Variants in AXL observed in about 807,000 individuals in gnomAD.
The protein encoded by AXL is tyrosine-protein kinase receptor UFO.
Under a neutral mutation model 104.5 loss-of-function variants are expected in AXL, and 52 were observed. The ratio of observed to expected loss-of-function variants is 0.50; its 90% confidence interval spans 0.40 to 0.63. The LOEUF (loss-of-function observed/expected upper bound fraction) is 0.63. AXL is among the 20% of genes least tolerant of loss of function. AXL has a pLI of 0.00. For synonymous variants in AXL, 455 were observed against 473.7 expected, an observed-to-expected ratio of 0.96 and a Z score of 0.51; for missense variants, 1,024 against 1,188.5, an observed-to-expected ratio of 0.86 and a Z score of 2.04.
chr19:41,229,178 G>A (rs934642029), intron 4 of AXL, among the ~76,000 whole-genome samples: 2 of 150,898 alleles, frequency 1.3e-5, no homozygotes, highest in African/African-American at 2.4e-5. Flanking sequence ...CTCGAACTTC[G>A]GACCTCAGGT....
chr19:41,256,939 CAT>C (rs1436657760), intron 18 of AXL, among the ~76,000 whole-genome samples: 3 of 152,314 alleles, frequency 2.0e-5, no homozygotes, highest in African/African-American at 7.2e-5. Flanking sequence ...CACATGAGCT[CAT>C]GTGTCCATGA....
chr19:41,241,586 A>G (rs1423873059), intron 10 of AXL, among the ~76,000 whole-genome samples: 1 of 151,384 alleles, frequency 6.6e-6, no homozygotes, highest in Non-Finnish European at 1.5e-5. Context: ...AAAAGAAAGA[A>G]AAGAAAAAGA....
In AXL at chr19:41,239,812, A is replaced by G. The variant is rs1384223442; in HGVS notation, c.1312+92A>G. On this transcript the variant is annotated intron_variant, in intron 10 of 19. Transcript: ENST00000301178. ...TGCATACTCATTGCACATCCCTTTC[A>G]TGTTTCTCTAACTCATCACTCTAAC... 8 of 1,523,908 alleles carry G rather than the reference A, an allele frequency of 5.2e-6. No homozygotes were observed. In the East Asian group the frequency reaches 6.7e-5, roughly 13 times the overall value. 94.4% of individuals were successfully genotyped at this position (1,523,908 alleles called of 1,614,324 possible). A position where few individuals can be genotyped will look rare whatever the true frequency, so the allele number is the denominator to read the frequency against.
At chr19:41,237,092 A>G (rs1189507911) in intron 6 of AXL, among the ~76,000 whole-genome samples, 1 of 152,086 alleles carries the variant, frequency 6.6e-6, no homozygotes, top group Non-Finnish European at 1.5e-5. Context: ...CCATGTAACC[A>G]CCATCCAAAT....
chr19:41,245,005 A>G (rs1416288033), intron 12 of AXL, among the ~76,000 whole-genome samples: 3 of 150,542 alleles, frequency 2.0e-5, no homozygotes, highest in Non-Finnish European at 4.4e-5. Flanking sequence ...ATCTTGGCTC[A>G]CTGCAACCTC....
chr19:41,226,759 C>T, intron 4 of AXL: 2 of 985,878 alleles, frequency 2.0e-6, no homozygotes, highest in Non-Finnish European at 2.4e-6. Flanking sequence ...TGCACAAGCA[C>T]ACGCGTAAAC....
At chr19:41,241,935 C>T (rs2034189570) in intron 10 of AXL, among the ~76,000 whole-genome samples, 1 of 152,228 alleles carries the variant, frequency 6.6e-6, no homozygotes, top group Non-Finnish European at 1.5e-5. Context: ...CCTCCTTGCA[C>T]ACGCTTCATG....
At chr19:41,224,102 G>A (rs1325738253) in intron 4 of AXL, among the ~76,000 whole-genome samples, 1 of 152,016 alleles carries the variant, frequency 6.6e-6, no homozygotes, top group African/African-American at 2.4e-5. Context: ...GTGTCTGTGT[G>A]TGTGCGCATG....
At chr19:41,230,500 G>C (rs1386809603) in intron 4 of AXL, among the ~76,000 whole-genome samples, 1 of 151,100 alleles carries the variant, frequency 6.6e-6, no homozygotes, top group Non-Finnish European at 1.5e-5. Context: ...GTATGCCTGT[G>C]CCTGTGTGTG....
At chr19:41,248,690 A>G in intron 13 of AXL, 53 bp from the exon 14 acceptor site, 1 of 1,612,560 alleles carries the variant, frequency 6.2e-7, no homozygotes, top group Non-Finnish European at 8.5e-7. Flanking sequence ...ACTATAGGAA[A>G]TACAGTCCCC....
rs2122280559 is a variant in AXL, at chr19:41,253,698, A to G, written c.2026A>G (p.Arg676Gly). 1 of 1,610,014 alleles carries G rather than the reference A, an allele frequency of 6.2e-7. No individual in the cohort carries two copies. Among genetic ancestry groups the G allele is most frequent in the Non-Finnish European group, 8.5e-7 (1 of 1,177,992 alleles). ...KRFIHRDLAARNCMLNENMSV... is the reference protein window; with the variant it reads ...KRFIHRDLAAGNCMLNENMSV... ...ATTCATACACCGGGACCTGGCGGCC[A>G]GGAACTGCATGTGAGTGCCTTTCAG... Residue 676 changes from arginine to glycine, a missense_variant, in exon 17 of 20, where the codon AGG becomes GGG. Physicochemically the swap from Arg to Gly is moderately radical, Grantham distance 125. Around this residue, in one of 5 missense-constraint regions of AXL, gnomAD observed 523 missense variants for 636.0 expected, o/e 0.82. Transcript: ENST00000301178.
chr19:41,234,447 G>A (rs2034045000), intron 6 of AXL, among the ~76,000 whole-genome samples: 3 of 151,546 alleles, frequency 2.0e-5, no homozygotes, highest in South Asian at 2.1e-4. Flanking sequence ...ATGGTGAAAC[G>A]CCATCTCTCC....
rs534537897 is a variant in AXL, at chr19:41,228,434, A to T, written c.587-2533A>T. Among the ~76,000 whole-genome samples the T allele has an allele frequency of 2.6e-5, 4 of 152,196 alleles. No homozygotes were observed. In the East Asian group the frequency reaches 5.8e-4, roughly 22 times the overall value. On this transcript the variant is annotated intron_variant, in intron 4 of 19. Coordinates refer to ENST00000301178, the MANE Select transcript of AXL (RefSeq NM_021913.5). Reference sequence around the variant, plus strand: ...CCGGGCATGGTGGCGCGCTCCTGTAATCCCAGCTACTCAGAAGGCTGAGGC... The same window carrying T: ...CCGGGCATGGTGGCGCGCTCCTGTATTCCCAGCTACTCAGAAGGCTGAGGC...
intron 4 of AXL, among the ~76,000 whole-genome samples, chr19:41,230,552 G>A (rs2033965636): frequency 1.3e-5 from 2 of 150,758 alleles, no homozygotes; most frequent in South Asian, 4.2e-4. Flanking sequence ...GTGTCTGTGT[G>A]TATGAGTGTG....
chr19:41,235,369 A>AATAT (rs1450854201), intron 6 of AXL, among the ~76,000 whole-genome samples: 1 of 80,612 alleles, frequency 1.2e-5, no homozygotes, highest in African/African-American at 4.7e-5. Context: ...TAAATAAATA[A>AATAT]ATAGATAGAT....
chr19:41,241,263 C>T lies in AXL; in HGVS notation c.1312+1543C>T, dbSNP rs183889643. ...CTGGCTTTATGGAAACCATTGTGGC[C>T]GGGTGCAATGGCTCACGCCTGTAAT... On this transcript the variant is annotated intron_variant, in intron 10 of 19. Coordinates refer to ENST00000301178, the MANE Select transcript of AXL (RefSeq NM_021913.5). Among the ~76,000 whole-genome samples, 23 of 152,176 alleles carry T rather than the reference C, an allele frequency of 1.5e-4. No individual in the cohort carries two copies. In the East Asian group the frequency reaches 3.5e-3, roughly 23 times the overall value.
intron 6 of AXL, among the ~76,000 whole-genome samples, chr19:41,231,751 A>C (rs1315725592): frequency 6.6e-6 from 1 of 151,910 alleles, no homozygotes; most frequent in African/African-American, 2.4e-5. Flanking sequence ...ACATAGTGAA[A>C]CCACATTTCT....
At chr19:41,229,093 G>A (rs1313179764) in intron 4 of AXL, among the ~76,000 whole-genome samples, 3 of 151,600 alleles carry the variant, frequency 2.0e-5, no homozygotes, top group Admixed American at 1.3e-4. Context: ...GGGATTAAAG[G>A]GGCCTGCCAC....
intron 4 of AXL, among the ~76,000 whole-genome samples, chr19:41,228,187 G>A (rs1004471731): frequency 2.0e-5 from 3 of 152,098 alleles, no homozygotes; most frequent in Non-Finnish European, 4.4e-5. Flanking sequence ...GTGCTTCTGT[G>A]TGTGCACGCT....
Sources: allele counts gnomAD v4.1 joint callset (sites outside exome capture counted in the v4.1 genomes callset), GRCh38; gene constraint gnomAD v4.1.1; regional missense constraint gnomAD v4.1.1; transcripts MANE v1.5; gene names NCBI Gene and HGNC (gene_info 2026-07-23, HGNC 2026-07-21).